COQ8B: variants seen among roughly 807,000 people sequenced by gnomAD.
COQ8B encodes coenzyme Q8B, also known as atypical kinase COQ8B, mitochondrial.
COQ8B carries 44 observed loss-of-function variants against 62.0 expected under a neutral mutation model. That is an observed-to-expected ratio of 0.71 (90% CI 0.56 to 0.91). The LOEUF is 0.91. Ranked by LOEUF, COQ8B falls within the 40% of genes least tolerant of loss-of-function variation. The probability of loss-of-function intolerance (pLI) is 0.00; values close to 1 mark genes in which losing one functional copy is unlikely to be tolerated. For missense variants in COQ8B, 649 were observed against 731.6 expected (o/e 0.89, Z 1.30); for synonymous variants, 252 against 289.9 (o/e 0.87, Z 1.33).
chr19:40,697,193 C>G (rs758337557), intron 12 of COQ8B, among the ~76,000 whole-genome samples: 1 of 151,898 alleles, frequency 6.6e-6, no homozygotes, highest in Non-Finnish European at 1.5e-5. Context: ...CTTACTACAG[C>G]CTCAAACTCC....
intron 5 of COQ8B, 53 bp downstream of exon 5, chr19:40,710,006 C>T: frequency 6.3e-7 from 1 of 1,596,752 alleles, no homozygotes; most frequent in Non-Finnish European, 8.6e-7. Flanking sequence ...GTCACTTGCC[C>T]CAGGTCACAC....
At chr19:40,698,025 G>A (rs192724914) in intron 12 of COQ8B, among the ~76,000 whole-genome samples, 1 of 150,472 alleles carries the variant, frequency 6.6e-6, no homozygotes, top group African/African-American at 2.5e-5. Context: ...AGACCAGCCT[G>A]GCCAACATGG....
rs58313890 is a variant in COQ8B at position 40,697,875 on chromosome 19, G to GAGAGGC, written c.1144-1822_1144-1821insGCCTCT. Reference sequence around the variant, plus strand: ...ATAGAGAGAGAGAGAGAGAGAGAGAGAGTTTCTACTGGGCGTTCATGCAAA... The same window carrying GAGAGGC: ...ATAGAGAGAGAGAGAGAGAGAGAGAGAGAGGCAGTTTCTACTGGGCGTTCATGCAAA... On this transcript the variant is annotated intron_variant, in intron 12 of 14. Coordinates refer to ENST00000324464, the MANE Select transcript of COQ8B (RefSeq NM_024876.4). 1.1e-3 allele frequency among the ~76,000 whole-genome samples: 116 copies of GAGAGGC among 103,418 alleles called. 2 individuals are homozygous for GAGAGGC. Among genetic ancestry groups the GAGAGGC allele is most frequent in the East Asian group, 5.9e-3 (20 of 3,388 alleles). 67.8% of individuals were successfully genotyped at this position (103,418 alleles called of 152,430 possible).
At position 40,691,860 on chromosome 19, in the gene COQ8B, C is replaced by G; in HGVS notation, c.*175G>C. 1 of 528,790 alleles carries G rather than the reference C, an allele frequency of 1.9e-6. No individual in the cohort carries two copies. The highest frequency in any genetic ancestry group is 3.1e-6 in the Non-Finnish European group (1 of 323,702). The allele number at this position is 528,790 out of a possible 1,614,324, so 32.8% of individuals were successfully genotyped here. A position where few individuals can be genotyped will look rare whatever the true frequency, so the allele number is the denominator to read the frequency against. ...GTGGGGAGGTGCAGGATCTAGGGCACGAAGTTGGGAGTTCCCCAGCCCCAG... is the reference window on the plus strand; with the variant it reads ...GTGGGGAGGTGCAGGATCTAGGGCAGGAAGTTGGGAGTTCCCCAGCCCCAG... On this transcript the variant is annotated 3_prime_UTR_variant, in exon 15 of 15. Transcript: ENST00000324464.
chr19:40,700,048 C>T lies in COQ8B; in HGVS notation c.1143+19G>A. ...TTACAACAGCAAATGTACCCAGACA[C>T]ACATCACTAGGAACCAACCTGGTGG... On this transcript the variant is annotated intron_variant, in intron 12 of 14. Transcript: ENST00000324464. 1 of 1,607,090 alleles carries T rather than the reference C, an allele frequency of 6.2e-7. No homozygotes were observed.
intron 13 of COQ8B, among the ~76,000 whole-genome samples, chr19:40,695,633 G>T (rs1285732932): frequency 6.6e-6 from 1 of 152,148 alleles, no homozygotes; most frequent in African/African-American, 2.4e-5. Flanking sequence ...CTGGGCAGTG[G>T]TTGGAAGCTT....
At chr19:40,699,250 C>T (rs1404446821) in intron 12 of COQ8B, among the ~76,000 whole-genome samples, 1 of 152,030 alleles carries the variant, frequency 6.6e-6, no homozygotes, top group Non-Finnish European at 1.5e-5. Flanking sequence ...ACCTCAGCCT[C>T]TCAGTGGCCT....
intron 10 of COQ8B, 117 bp downstream of exon 10, chr19:40,702,483 A>C (rs2082067703): frequency 2.1e-6 from 2 of 934,542 alleles, no homozygotes; most frequent in Admixed American, 3.5e-5. Context: ...CAATGATTGA[A>C]AGAAAGAGAG....
Position 40,692,124 on chromosome 19 carries a change from A to G in COQ8B, c.1546T>C (p.Tyr516His), listed in dbSNP as rs1278173558. ...TGGCGACTGGCCCAGTAGCGGTGGTAGGTGTCCTGGAAGAGGTCCCTGCAG... is the reference window on the plus strand; with the variant it reads ...TGGCGACTGGCCCAGTAGCGGTGGTGGGTGTCCTGGAAGAGGTCCCTGCAG... ...IACRDLFQDT[Y>H]HRYWASRQPD... is the part of the protein sequence containing the mutation. Residue 516 changes from tyrosine (Y) to histidine (H), a missense_variant, in exon 15 of 15, where the codon TAC (tyrosine) becomes CAC (histidine). Tyr to His is a moderately conservative substitution (Grantham distance 83). Coordinates refer to ENST00000324464, the MANE Select transcript of COQ8B (RefSeq NM_024876.4). 6 of 1,606,806 alleles carry G rather than the reference A, an allele frequency of 3.7e-6. No homozygotes were observed. Among genetic ancestry groups the G allele is most frequent in the Admixed American group, 1.7e-5 (1 of 58,826 alleles).
At chr19:40,715,389 C>A in intron 1 of COQ8B, 1 of 985,730 alleles carries the variant, frequency 1.0e-6, no homozygotes, top group Non-Finnish European at 1.2e-6. Flanking sequence ...GTCTCCCTTA[C>A]AAACCTGACG....
intron 13 of COQ8B, 60 bp from the exon 14 acceptor site, chr19:40,693,097 AGAG>A (rs2081987012): frequency 6.7e-7 from 1 of 1,482,478 alleles, no homozygotes; most frequent in African/African-American, 1.4e-5. Flanking sequence ...GCTCTGGAGA[AGAG>A]GAGCTGGAAG....
At chr19:40,713,227 A>G (rs1276583274) in intron 4 of COQ8B, among the ~76,000 whole-genome samples, 1 of 152,094 alleles carries the variant, frequency 6.6e-6, no homozygotes, top group Non-Finnish European at 1.5e-5. Flanking sequence ...CCAGGCGGCC[A>G]GGTGTGGTGG....
chr19:40,714,562 C>T lies in COQ8B; in HGVS notation c.71G>A (p.Cys24Tyr). Residue 24 changes from cysteine (C) to tyrosine (Y), a missense_variant, in exon 2 of 15, where the codon TGT (cysteine) becomes TAT (tyrosine). Cys to Tyr is a radical substitution (Grantham distance 194). Transcript: ENST00000324464. ...GTGGGGCCCAGGCCCCAGGGCCCCA[C>T]AAGGCCAACCAACAGTCTGGCCCAG... The part of the protein sequence containing the change: ...GQLGQTVGWP[C>Y]GALGPGPHRW... 1.9e-6 allele frequency: 3 copies of T among 1,613,448 alleles called. No homozygotes were observed. The highest frequency in any genetic ancestry group is 2.5e-6 in the Non-Finnish European group (3 of 1,179,800).
chr19:40,700,590 G>A (rs2082053715), intron 10 of COQ8B, 139 bp from the exon 11 acceptor site: 26 of 1,100,392 alleles, frequency 2.4e-5, no homozygotes, highest in Non-Finnish European at 2.9e-5. Flanking sequence ...TCTTGCTGCT[G>A]TCTGCCCTGG....
At chr19:40,709,999 A>G in intron 5 of COQ8B, 60 bp downstream of exon 5, 1 of 1,578,020 alleles carries the variant, frequency 6.3e-7, no homozygotes, top group East Asian at 2.2e-5. Flanking sequence ...GGGTGAAGTC[A>G]CTTGCCCCAG....
chr19:40,700,085 A>G lies in COQ8B; in HGVS notation c.1125T>C (p.Tyr375=), dbSNP rs78185540. 145 of 1,614,244 alleles carry G rather than the reference A, an allele frequency of 9.0e-5. No individual in the cohort carries two copies. The African/African-American group carries it at 1.8e-3, about 20-fold the overall frequency. ...AACCAACCTGGTGGCTGGAGGCATC[A>G]TACAGGAAGTTGGCCCAGTTGGGGT... ...QTDPNWANFL[Y]DASSHQVTLL... The change falls in exon 12 of 15, where the codon TAT becomes TAC. Residue 375 remains tyrosine (Y), a synonymous_variant. Coordinates refer to ENST00000324464, the MANE Select transcript of COQ8B (RefSeq NM_024876.4).
chr19:40,707,852 T>A (rs895220911), intron 5 of COQ8B, among the ~76,000 whole-genome samples: 3 of 152,200 alleles, frequency 2.0e-5, no homozygotes, highest in Non-Finnish European at 2.9e-5. Context: ...CCTATCACAT[T>A]TTATTCATCC....
rs183106255 is a variant in COQ8B, at chr19:40,708,376, T to C, written c.367+1683A>G. On this transcript the variant is annotated intron_variant, in intron 5 of 14. Transcript: ENST00000324464. ...AAATAAAATTTAAAATAAAATAAAA[T>C]GTTATTGAGCTCATTATTGAGCTGT... Among the ~76,000 whole-genome samples the C allele has an allele frequency of 3.2e-3, 484 of 152,230 alleles. 1 individual carries two copies. Among genetic ancestry groups the C allele is most frequent in the Middle Eastern group, 0.02 (6 of 294 alleles).
chr19:40,697,706 G>C (rs990961380), intron 12 of COQ8B, among the ~76,000 whole-genome samples: 2 of 151,536 alleles, frequency 1.3e-5, no homozygotes, highest in South Asian at 2.1e-4. Flanking sequence ...TGAGGCAGGA[G>C]AATCACTTGA....
Sources: allele counts gnomAD v4.1 joint callset (sites outside exome capture counted in the v4.1 genomes callset), GRCh38; gene constraint gnomAD v4.1.1; transcripts MANE v1.5; gene names NCBI Gene and HGNC (gene_info 2026-07-23, HGNC 2026-07-21).